Variants in SART3 observed in about 807,000 individuals in gnomAD.
SART3 encodes the protein HIV-1 Tat-interacting protein of 110kDa.
In SART3, 44 loss-of-function variants were observed where a neutral mutation model predicts 122.3. That is an observed-to-expected ratio of 0.36 (90% CI 0.28 to 0.46). The LOEUF (loss-of-function observed/expected upper bound fraction) is 0.46. Ranked by LOEUF, SART3 falls within the 20% of genes least tolerant of loss-of-function variation. SART3 has a pLI of 1.00. For synonymous variants in SART3, 442 were observed against 454.0 expected (o/e 0.97, Z 0.34); for missense variants, 1,101 against 1,229.0 (o/e 0.90, Z 1.56).
intron 6 of SART3, among the ~76,000 whole-genome samples, chr12:108,540,404 T>C (rs10861940): frequency 0.74 from 112,619 of 151,926 alleles, 43,633 homozygotes; most frequent in East Asian, 0.92. Flanking sequence ...AAATCTCCCT[T>C]GCAGGGGACT....
In SART3 at chr12:108,523,251, C is replaced by A; in HGVS notation, c.*206G>T. ...CTGGGCCCAGCCTGCAGAGTGGTCACTTTTCTGCCACTGCCCTCAATATGA... is the reference window on the plus strand; with the variant it reads ...CTGGGCCCAGCCTGCAGAGTGGTCAATTTTCTGCCACTGCCCTCAATATGA... On this transcript the variant is annotated 3_prime_UTR_variant, in exon 19 of 19. Coordinates refer to ENST00000546815, the MANE Select transcript of SART3 (RefSeq NM_014706.4). The A allele has an allele frequency of 4.8e-6, 3 of 623,054 alleles. No homozygotes were observed. Among genetic ancestry groups the A allele is most frequent in the Non-Finnish European group, 8.6e-6 (3 of 348,934 alleles). 38.6% of individuals were successfully genotyped at this position (623,054 alleles called of 1,614,324 possible).
Position 108,538,194 on chromosome 12 carries a change from G to C in SART3, c.1072C>G (p.Leu358Val). ...IRYSQYLDRQ[L>V]KVKDLVLSVH... ...GATAAAACCAAATCCTTTACTTTCA[G>C]TTGTCGATCCTATGATAAAGAATTC... The change falls in exon 8 of 19, where the codon CTG (leucine) becomes GTG (valine). Residue 358 changes from leucine (L) to valine (V), a missense_variant. Around this residue, in one of 2 missense-constraint regions of SART3, gnomAD observed 885 missense variants for 1,080.1 expected, o/e 0.82. Transcript: ENST00000546815. The C allele has an allele frequency of 6.2e-7, 1 of 1,614,152 alleles. No homozygotes were observed. Among genetic ancestry groups the C allele is most frequent in the Non-Finnish European group, 8.5e-7 (1 of 1,180,014 alleles).
At chr12:108,531,889 G>A in intron 13 of SART3, 3 of 360,794 alleles carry the variant, frequency 8.3e-6, no homozygotes, top group South Asian at 6.9e-5. Flanking sequence ...ATTTCTGGTT[G>A]TCATGTTTGG....
intron 17 of SART3, 46 bp downstream of exon 17, chr12:108,525,411 T>G: frequency 1.9e-6 from 3 of 1,611,634 alleles, no homozygotes; most frequent in Non-Finnish European, 2.5e-6. Context: ...AGAAACGAAG[T>G]TTGCCCAAGC....
At chr12:108,535,675 TA>T in intron 11 of SART3, 1 of 590,646 alleles carries the variant, frequency 1.7e-6, no homozygotes, top group African/African-American at 1.8e-5. Flanking sequence ...CTAATCTACC[TA>T]TGTTTCCTGA....
At position 108,545,223 on chromosome 12, in the gene SART3, C is replaced by G. The variant is rs140999263; in HGVS notation, c.645G>C (p.Ser215=). The G allele has an allele frequency of 6.2e-7, 1 of 1,614,020 alleles. No individual in the cohort carries two copies. The highest frequency in any genetic ancestry group is 1.3e-5 in the African/African-American group (1 of 74,906). The part of the protein sequence containing the change: ...KVRSVFERAL[S]SVGLHMTKGL... ...CTTTGGTCATATGTAAACCAACAGACGAGAGAGCCCTTTCAAACACGGAGC... is the reference window on the plus strand; with the variant it reads ...CTTTGGTCATATGTAAACCAACAGAGGAGAGAGCCCTTTCAAACACGGAGC... Residue 215 remains serine (S), a synonymous_variant, in exon 4 of 19, where the codon TCG becomes TCC. Coordinates refer to ENST00000546815, the MANE Select transcript of SART3 (RefSeq NM_014706.4).
chr12:108,525,758 C>T (rs1872344196), intron 16 of SART3, 149 bp from the exon 17 acceptor site: 14 of 787,970 alleles, frequency 1.8e-5, no homozygotes, highest in South Asian at 1.6e-4. Context: ...ATGGGGCCAC[C>T]GGAGCGAGTC....
intron 4 of SART3, 81 bp downstream of exon 4, chr12:108,545,058 G>C (rs1873339157): frequency 7.5e-7 from 1 of 1,328,118 alleles, no homozygotes. Flanking sequence ...ATTCATCATG[G>C]ACATGTGTTT....
In SART3 at chr12:108,545,330, A is replaced by G; in HGVS notation, c.545-7T>C. The G allele has an allele frequency of 6.2e-7, 1 of 1,614,048 alleles. No individual in the cohort carries two copies. The highest frequency in any genetic ancestry group is 8.5e-7 in the Non-Finnish European group (1 of 1,179,854). ...TCTAGCCAAATGTTAGGACCTAAAA[A>G]TAAGAAGTGTTCAATTAGTTTGGGA... On this transcript the variant is annotated splice_polypyrimidine_tract_variant and splice_region_variant and intron_variant, in intron 3 of 18. Coordinates refer to ENST00000546815, the MANE Select transcript of SART3 (RefSeq NM_014706.4).
In SART3 at chr12:108,526,132, G is replaced by A. The variant is rs371884702; in HGVS notation, c.2337C>T (p.Pro779=). ...SVEGRPMFVS[P]CVDKSKNPDF... ...CGGGGTTTTTGCTCTTATCCACACA[G>A]GGGGAAACAAACATTGGCCTCCCTT... Residue 779 remains proline, a synonymous_variant, in exon 16 of 19, where the codon CCC becomes CCT. Coordinates refer to ENST00000546815, the MANE Select transcript of SART3 (RefSeq NM_014706.4). 8.7e-6 allele frequency: 14 copies of A among 1,614,028 alleles called. No homozygotes were observed. The highest frequency in any genetic ancestry group is 8.0e-5 in the African/African-American group (6 of 74,920).
chr12:108,557,772 C>T (rs916320057), intron 1 of SART3, among the ~76,000 whole-genome samples: 2 of 152,200 alleles, frequency 1.3e-5, no homozygotes, highest in Non-Finnish European at 2.9e-5. Flanking sequence ...GCCGAAGCCA[C>T]CATGAAGTGC....
chr12:108,552,782 C>T (rs2030064338), intron 1 of SART3, among the ~76,000 whole-genome samples: 1 of 152,136 alleles, frequency 6.6e-6, no homozygotes, highest in African/African-American at 2.4e-5. Flanking sequence ...GACTTACAGG[C>T]TTACTGAAAC....
chr12:108,526,295 A>T lies in SART3; in HGVS notation c.2174T>A (p.Leu725His). 6.2e-7 allele frequency: 1 copy of T among 1,614,190 alleles called. No individual in the cohort carries two copies. Among genetic ancestry groups the T allele is most frequent in the South Asian group, 1.1e-5 (1 of 91,082 alleles). ...GACCACCTCCCCACAGGCCTCGAAG[A>T]GTGGCCTGAGCTTCGTGTCCGGCTC... The part of the protein sequence containing the change: ...MQEPDTKLRP[L>H]FEACGEVVQI... Residue 725 changes from leucine (L) to histidine (H), a missense_variant, in exon 16 of 19, where the codon CTC (leucine) becomes CAC (histidine). Physicochemically the swap from Leu to His is moderately conservative, Grantham distance 99 (BLOSUM62 -3). Coordinates refer to ENST00000546815, the MANE Select transcript of SART3 (RefSeq NM_014706.4).
chr12:108,531,152 C>G, intron 14 of SART3, 52 bp downstream of exon 14: 1 of 1,450,166 alleles, frequency 6.9e-7, no homozygotes, highest in South Asian at 1.1e-5. Context: ...CCATACCAAA[C>G]TGAGCCAAAA....
intron 3 of SART3, among the ~76,000 whole-genome samples, chr12:108,545,967 C>A (rs75658767): frequency 1.5e-3 from 162 of 108,882 alleles, no homozygotes; most frequent in South Asian, 3.3e-3. Flanking sequence ...GACTCTCTCT[C>A]AAAAAAAAAA....
chr12:108,542,134 A>T (rs1873197390), intron 6 of SART3, among the ~76,000 whole-genome samples: 1 of 150,928 alleles, frequency 6.6e-6, no homozygotes. Flanking sequence ...GGCATAAGCC[A>T]CTGTGCCCAG....
intron 12 of SART3, among the ~76,000 whole-genome samples, chr12:108,533,931 C>T (rs1872789233): frequency 6.6e-6 from 1 of 152,130 alleles, no homozygotes; most frequent in Admixed American, 6.5e-5. Flanking sequence ...AAGAAGAATA[C>T]CCACAATTAT....
rs564596790 is a variant in SART3 at position 108,558,747 on chromosome 12, G to T, written c.312+2096C>A. ...GCTTCAGCACACTTATTTATAAAAA[G>T]TAGAGGGCAGGCGCGGTGGCTCACG... On this transcript the variant is annotated intron_variant, in intron 1 of 18. Coordinates refer to ENST00000546815, the MANE Select transcript of SART3 (RefSeq NM_014706.4). Among the ~76,000 whole-genome samples the T allele has an allele frequency of 2.6e-3, 402 of 152,288 alleles. 1 individual carries two copies. The highest frequency in any genetic ancestry group is 0.017 in the Middle Eastern group (5 of 294).
intron 13 of SART3, chr12:108,531,985 AGAG>A (rs1872701251): frequency 8.0e-6 from 4 of 502,952 alleles, no homozygotes; most frequent in Non-Finnish European, 1.5e-5. Context: ...TCCCCCCCAC[AGAG>A]AATTAGAACC....
Sources: allele counts gnomAD v4.1 joint callset (sites outside exome capture counted in the v4.1 genomes callset), GRCh38; gene constraint gnomAD v4.1.1; regional missense constraint gnomAD v4.1.1; transcripts MANE v1.5; gene names NCBI Gene and HGNC (gene_info 2026-07-23, HGNC 2026-07-21).